The following ZMAT4 variants were observed in gnomAD, a reference collection of about 807,000 sequenced individuals.
ZMAT4 encodes zinc finger matrin-type 4.
Under a neutral mutation model 28.7 loss-of-function variants are expected in ZMAT4, and 17 were observed. That is an observed-to-expected ratio of 0.59 (90% confidence interval 0.41 to 0.89). ZMAT4 has a LOEUF of 0.89. Ranked by LOEUF, ZMAT4 falls within the 40% of genes least tolerant of loss-of-function variation. The probability of loss-of-function intolerance (pLI) is 0.00; values close to 1 mark genes in which losing one functional copy is unlikely to be tolerated. For missense variants in ZMAT4, 240 were observed against 283.8 expected (o/e 0.85, Z 1.11); for synonymous variants, 117 against 109.2 (o/e 1.07, Z -0.44).
intron 5 of ZMAT4, among the ~76,000 whole-genome samples, chr8:40,611,680 A>C (rs915309223): frequency 2.0e-5 from 3 of 152,214 alleles, no homozygotes; most frequent in African/African-American, 7.2e-5. Flanking sequence ...GCATGTAATC[A>C]CATTTAGAAA....
intron 2 of ZMAT4, among the ~76,000 whole-genome samples, chr8:40,801,352 A>AAAAAAATATATATATATATATATATG (rs774919666): frequency 1.4e-5 from 1 of 72,146 alleles, no homozygotes; most frequent in African/African-American, 4.6e-5. Context: ...AAAAAAAAAA[A>AAAAAAATATATATATATATATATATG]TATATATATA....
chr8:40,597,254 G>A (rs1805137129), intron 5 of ZMAT4, among the ~76,000 whole-genome samples: 1 of 152,198 alleles, frequency 6.6e-6, no homozygotes, highest in Admixed American at 6.5e-5. Flanking sequence ...GGACTTGCAG[G>A]CCACTTGATG....
chr8:40,688,499 T>A (rs1809519228), intron 4 of ZMAT4, among the ~76,000 whole-genome samples: 2 of 152,022 alleles, frequency 1.3e-5, no homozygotes, highest in South Asian at 4.2e-4. Context: ...TAAAATAAAC[T>A]TTGTTGGGCC....
chr8:40,698,256 A>C (rs1304256251), intron 3 of ZMAT4, among the ~76,000 whole-genome samples: 3 of 152,080 alleles, frequency 2.0e-5, no homozygotes, highest in African/African-American at 4.8e-5. Flanking sequence ...CTGGATTTTT[A>C]TTCCTTTGTA....
chr8:40,753,706 G>A (rs1225036039), intron 3 of ZMAT4, among the ~76,000 whole-genome samples: 1 of 152,096 alleles, frequency 6.6e-6, no homozygotes, highest in Non-Finnish European at 1.5e-5. Flanking sequence ...CAGACCTCAG[G>A]TTCTAGAGCC....
chr8:40,847,157 T>C (rs999547653), intron 1 of ZMAT4, among the ~76,000 whole-genome samples: 1 of 150,712 alleles, frequency 6.6e-6, no homozygotes, highest in Non-Finnish European at 1.5e-5. Flanking sequence ...TGAGTCAAGA[T>C]TGTGCCACTG....
intron 2 of ZMAT4, among the ~76,000 whole-genome samples, chr8:40,782,835 A>C (rs562711667): frequency 6.6e-6 from 1 of 152,356 alleles, no homozygotes; most frequent in South Asian, 2.1e-4. Flanking sequence ...AATATTCACC[A>C]TCATTGGTCA....
chr8:40,880,772 A>G (rs971307675), intron 1 of ZMAT4, among the ~76,000 whole-genome samples: 1 of 152,188 alleles, frequency 6.6e-6, no homozygotes, highest in Non-Finnish European at 1.5e-5. Flanking sequence ...TCAGGGAGTT[A>G]AACATCCTTC....
At chr8:40,545,406 G>A (rs955747052) in intron 6 of ZMAT4, among the ~76,000 whole-genome samples, 2 of 152,142 alleles carry the variant, frequency 1.3e-5, no homozygotes, top group African/African-American at 2.4e-5. Flanking sequence ...AATAGTCAGT[G>A]TTATGGTAGA....
intron 6 of ZMAT4, among the ~76,000 whole-genome samples, chr8:40,565,399 T>G (rs1309155562): frequency 1.8e-5 from 2 of 109,058 alleles, no homozygotes; most frequent in African/African-American, 6.9e-5. Flanking sequence ...TTTTTTTTTT[T>G]TGAGATGAAG....
intron 5 of ZMAT4, among the ~76,000 whole-genome samples, chr8:40,636,756 T>G (rs1378642587): frequency 1.3e-5 from 2 of 152,156 alleles, no homozygotes. Flanking sequence ...AGCAGCCTAA[T>G]GGGGAACATT....
chr8:40,833,608 C>T (rs74766137), intron 1 of ZMAT4, among the ~76,000 whole-genome samples: 230 of 149,324 alleles, frequency 1.5e-3, no homozygotes, highest in African/African-American at 5.5e-3. Context: ...AGAAAGGGAA[C>T]AGCAGGCAGC....
At chr8:40,847,236 G>A (rs1215669124) in intron 1 of ZMAT4, among the ~76,000 whole-genome samples, 2 of 151,502 alleles carry the variant, frequency 1.3e-5, no homozygotes, top group Non-Finnish European at 2.9e-5. Context: ...AAAAACTGGG[G>A]GAAATCCAGT....
chr8:40,673,669 T>C (rs182894658), intron 5 of ZMAT4, among the ~76,000 whole-genome samples: 36 of 152,270 alleles, frequency 2.4e-4, no homozygotes, highest in African/African-American at 8.2e-4. Context: ...ATCAAGCTGA[T>C]CAAAAGTATG....
chr8:40,823,265 A>G (rs1358280546), intron 2 of ZMAT4, among the ~76,000 whole-genome samples: 1 of 152,142 alleles, frequency 6.6e-6, no homozygotes, highest in Non-Finnish European at 1.5e-5. Flanking sequence ...ATGAACACAA[A>G]AAGTCTAATA....
intron 4 of ZMAT4, among the ~76,000 whole-genome samples, chr8:40,680,700 GTACA>G (rs35498222): frequency 0.36 from 53,209 of 149,018 alleles, 10,159 homozygotes; most frequent in Non-Finnish European, 0.44. Flanking sequence ...CATGTCTAAT[GTACA>G]CACACACACA....
intron 2 of ZMAT4, among the ~76,000 whole-genome samples, chr8:40,781,630 C>A (rs373646275): frequency 1.3e-5 from 2 of 148,718 alleles, no homozygotes; most frequent in Non-Finnish European, 3.0e-5. Context: ...GGCGTAGTGG[C>A]GGGCGCCTGT....
At chr8:40,767,825 A>AT in intron 2 of ZMAT4, 95 bp from the exon 3 acceptor site, 1 of 983,366 alleles carries the variant, frequency 1.0e-6, no homozygotes, top group Non-Finnish European at 1.5e-6. Flanking sequence ...AAAGAAATGT[A>AT]TTTTCAGTAG....
intron 3 of ZMAT4, among the ~76,000 whole-genome samples, chr8:40,747,496 C>A (rs1585985765): frequency 6.7e-6 from 1 of 149,442 alleles, no homozygotes; most frequent in East Asian, 2.0e-4. Flanking sequence ...CACTCTATTT[C>A]TTCCCTTTCT....
Sources: allele counts gnomAD v4.1 joint callset (sites outside exome capture counted in the v4.1 genomes callset), GRCh38; gene constraint gnomAD v4.1.1; transcripts MANE v1.5; gene names NCBI Gene and HGNC (gene_info 2026-07-23, HGNC 2026-07-21).